Variants in ISM1 observed in about 807,000 individuals in gnomAD.
ISM1 encodes isthmin 1.
Under a neutral mutation model 46.3 loss-of-function variants are expected in ISM1, and 25 were observed. The observed-to-expected ratio is 0.54, with a 90% CI of 0.39 to 0.75. ISM1 has a LOEUF of 0.75. ISM1 is among the 30% of genes least tolerant of loss of function. The pLI is 0.00. For synonymous variants in ISM1, 255 were observed against 256.7 expected (o/e 0.99, Z 0.06); for missense variants, 536 against 625.4 (o/e 0.86, Z 1.52).
intron 3 of ISM1, among the ~76,000 whole-genome samples, chr20:13,287,054 C>T (rs552831198): frequency 9.9e-5 from 15 of 151,282 alleles, no homozygotes; most frequent in African/African-American, 3.6e-4. Flanking sequence ...ACCCAGTGAC[C>T]TTGAACCAGG....
At chr20:13,316,539 CACA>C in the ISM1 span, among the ~76,000 whole-genome samples, 11 of 151,822 alleles carry the variant, frequency 7.2e-5, no homozygotes, top group South Asian at 2.1e-4. Flanking sequence ...AAATCCTCAA[CACA>C]ACATTAGCAA....
chr20:13,243,810 C>T (rs2039760582), intron 1 of ISM1, among the ~76,000 whole-genome samples: 1 of 152,184 alleles, frequency 6.6e-6, no homozygotes, highest in South Asian at 2.1e-4. Flanking sequence ...ATTGTTACAA[C>T]CCATTTGATA....
At chr20:13,321,443 G>A in the ISM1 span, among the ~76,000 whole-genome samples, 3 of 152,148 alleles carry the variant, frequency 2.0e-5, no homozygotes, top group Admixed American at 6.5e-5. Flanking sequence ...GGGGATTGTC[G>A]CTTGGATCCA....
intron 5 of ISM1, among the ~76,000 whole-genome samples, chr20:13,292,888 T>C (rs1466739000): frequency 2.6e-5 from 4 of 152,002 alleles, no homozygotes; most frequent in African/African-American, 7.2e-5. Flanking sequence ...TGCACCTCCA[T>C]CCCCTGCAAA....
intron 1 of ISM1, among the ~76,000 whole-genome samples, chr20:13,224,998 A>C (rs1475360578): frequency 8.7e-5 from 13 of 149,070 alleles, no homozygotes; most frequent in East Asian, 7.8e-4. Flanking sequence ...GGCGCCTGCC[A>C]CCACGCCCGG....
intron 4 of ISM1, 124 bp from the exon 5 acceptor site, chr20:13,292,250 G>A: frequency 1.6e-6 from 1 of 636,828 alleles, no homozygotes; most frequent in East Asian, 2.8e-5. Context: ...GCAAGTTTCT[G>A]CCCGTGAGTA....
chr20:13,256,177 C>T (rs1178193959), intron 1 of ISM1, among the ~76,000 whole-genome samples: 1 of 151,962 alleles, frequency 6.6e-6, no homozygotes, highest in Non-Finnish European at 1.5e-5. Context: ...GGGCAGATCA[C>T]CTGAGGTCAG....
Position 13,264,771 on chromosome 20 carries a change from C to A in ISM1, c.139-5733C>A, listed in dbSNP as rs193252317. ...GTATAAAGGACACAAGTGATTAAAA[C>A]GTGTGGATTTGTCATCTGAGAAAAA... On this transcript the variant is annotated intron_variant, in intron 1 of 5. Transcript: ENST00000262487. Among the ~76,000 whole-genome samples the A allele has an allele frequency of 2.6e-5, 4 of 152,312 alleles. No individual in the cohort carries two copies. The East Asian group carries it at 7.7e-4, about 29-fold the overall frequency.
chr20:13,322,079 A>T, the ISM1 span, among the ~76,000 whole-genome samples: 8 of 152,254 alleles, frequency 5.3e-5, no homozygotes, highest in African/African-American at 1.9e-4. Context: ...GTGTTCAATA[A>T]AACAAAATAT....
chr20:13,238,162 C>T (rs889611358), intron 1 of ISM1: 2 of 152,098 alleles, frequency 1.3e-5, no homozygotes, highest in Non-Finnish European at 2.9e-5. Flanking sequence ...GTGGACATTC[C>T]ATTTAATAAA....
At position 13,221,602 on chromosome 20, in the gene ISM1, C is replaced by G. The variant is rs2123109929; in HGVS notation, c.-175C>G. ...CCGGCAGCTCCTGCTCCCCCGGCCCCGCACACCCCGCCGCGCCCAGCGCCA... is the reference window on the plus strand; with the variant it reads ...CCGGCAGCTCCTGCTCCCCCGGCCCGGCACACCCCGCCGCGCCCAGCGCCA... On this transcript the variant is annotated 5_prime_UTR_variant, in exon 1 of 6. Coordinates refer to ENST00000262487, the MANE Select transcript of ISM1 (RefSeq NM_080826.2). 6.8e-6 allele frequency among the ~76,000 whole-genome samples: 1 copy of G among 146,710 alleles called. No homozygotes were observed. The highest frequency in any genetic ancestry group is 2.1e-4 in the South Asian group (1 of 4,808).
chr20:13,284,142 G>A (rs1358173664), intron 3 of ISM1, among the ~76,000 whole-genome samples: 3 of 152,198 alleles, frequency 2.0e-5, no homozygotes, highest in Non-Finnish European at 4.4e-5. Flanking sequence ...TCAGTAGATC[G>A]ACAGGGCAGC....
intron 1 of ISM1, among the ~76,000 whole-genome samples, chr20:13,225,457 C>T (rs2039513211): frequency 6.6e-6 from 1 of 152,082 alleles, no homozygotes; most frequent in South Asian, 2.1e-4. Flanking sequence ...ATTATATATA[C>T]ATAATACACA....
At chr20:13,287,973 T>C (rs766417695) in intron 3 of ISM1, among the ~76,000 whole-genome samples, 1 of 152,202 alleles carries the variant, frequency 6.6e-6, no homozygotes, top group Admixed American at 6.5e-5. Flanking sequence ...CTAGAAGGCT[T>C]GAGAAGGCTT....
chr20:13,221,982 T>TAGTGCCGG, intron 1 of ISM1, 68 bp downstream of exon 1: 1 of 1,254,962 alleles, frequency 8.0e-7, no homozygotes, highest in Non-Finnish European at 1.0e-6. Context: ...GGTGCTGAGC[T>TAGTGCCGG]AGTGCCGGGT....
chr20:13,322,654 A>G, the ISM1 span, among the ~76,000 whole-genome samples: 6 of 152,218 alleles, frequency 3.9e-5, no homozygotes, highest in Non-Finnish European at 8.8e-5. Flanking sequence ...ACCCAGTGAT[A>G]CAGACAGACA....
intron 4 of ISM1, among the ~76,000 whole-genome samples, chr20:13,292,082 A>G (rs1600562436): frequency 6.6e-6 from 1 of 152,288 alleles, no homozygotes; most frequent in Admixed American, 6.5e-5. Context: ...CCATCCTGAC[A>G]TGTGTCCCCC....
the ISM1 span, among the ~76,000 whole-genome samples, chr20:13,309,861 T>C: frequency 3.3e-5 from 5 of 149,988 alleles, no homozygotes. Context: ...CAAAAAAAAC[T>C]AAGGATGAAT....
chr20:13,247,092 G>A (rs558441373), intron 1 of ISM1, among the ~76,000 whole-genome samples: 1 of 152,168 alleles, frequency 6.6e-6, no homozygotes, highest in Admixed American at 6.5e-5. Flanking sequence ...AAAGCCAGGT[G>A]TGGTGGCACA....
Sources: allele counts gnomAD v4.1 joint callset (sites outside exome capture counted in the v4.1 genomes callset), GRCh38; gene constraint gnomAD v4.1.1; transcripts MANE v1.5; gene names NCBI Gene and HGNC (gene_info 2026-07-23, HGNC 2026-07-21).